Variants in ERBB4 observed in about 807,000 individuals in gnomAD.
ERBB4 encodes the protein receptor tyrosine-protein kinase erbB-4.
A neutral mutation model predicts 158.0 loss-of-function variants in ERBB4; 42 were observed. The observed-to-expected ratio is 0.27, with a 90% CI of 0.21 to 0.34. ERBB4 has a LOEUF of 0.34. ERBB4 is among the 10% of genes least tolerant of loss of function. The pLI, the probability that ERBB4 is intolerant of heterozygous loss-of-function variation, is 1.00. For synonymous variants in ERBB4, 583 were observed against 558.7 expected (o/e 1.04, Z -0.61); for missense variants, 1,333 against 1,624.1 (o/e 0.82, Z 3.08).
chr2:211,454,822 C>A (rs993825136), intron 20 of ERBB4, among the ~76,000 whole-genome samples: 4 of 152,166 alleles, frequency 2.6e-5, no homozygotes, highest in Admixed American at 2.6e-4. Context: ...TCCTATTAAG[C>A]AAACAAAGAC....
chr2:212,135,432 G>A (rs1186493854), intron 1 of ERBB4, among the ~76,000 whole-genome samples: 2 of 151,918 alleles, frequency 1.3e-5, no homozygotes, highest in East Asian at 1.9e-4. Flanking sequence ...TTAAAAAATT[G>A]CAAATGATTT....
At chr2:211,949,233 A>C (rs980312154) in intron 2 of ERBB4, among the ~76,000 whole-genome samples, 1 of 152,118 alleles carries the variant, frequency 6.6e-6, no homozygotes, top group Non-Finnish European at 1.5e-5. Flanking sequence ...TTCTCAATTC[A>C]GGCTAGCCAA....
intron 1 of ERBB4, among the ~76,000 whole-genome samples, chr2:212,416,815 T>C (rs1370730180): frequency 6.6e-6 from 1 of 152,094 alleles, no homozygotes; most frequent in Non-Finnish European, 1.5e-5. Context: ...TGGCAAGTTT[T>C]ATTCAGTGTT....
At chr2:212,052,992 T>C (rs529619974) in intron 2 of ERBB4, among the ~76,000 whole-genome samples, 1 of 152,268 alleles carries the variant, frequency 6.6e-6, no homozygotes, top group South Asian at 2.1e-4. Flanking sequence ...CTGGACCAAA[T>C]GTGGGGTTTC....
intron 3 of ERBB4, among the ~76,000 whole-genome samples, chr2:211,838,620 A>C: frequency 6.6e-6 from 1 of 152,156 alleles, no homozygotes; most frequent in South Asian, 2.1e-4. Flanking sequence ...TTTTCTGCTT[A>C]TGTGGGTATG....
chr2:211,720,340 G>C (rs6435664), intron 7 of ERBB4, among the ~76,000 whole-genome samples: 120,791 of 152,128 alleles, frequency 0.79, 48,693 homozygotes, highest in African/African-American at 0.93. Context: ...CAATGCCTTT[G>C]TGGAGGAGCA....
At chr2:211,831,290 A>G (rs2077213445) in intron 3 of ERBB4, among the ~76,000 whole-genome samples, 2 of 152,158 alleles carry the variant, frequency 1.3e-5, no homozygotes, top group South Asian at 4.1e-4. Context: ...AGTCCAGTCT[A>G]ATACTGAAAT....
chr2:212,140,822 CACCTGAATAG>C (rs1169458149), intron 1 of ERBB4, among the ~76,000 whole-genome samples: 1 of 150,210 alleles, frequency 6.7e-6, no homozygotes, highest in Non-Finnish European at 1.5e-5. Flanking sequence ...ACCAATTTCC[CACCTGAATAG>C]ACTAGGAAAC....
rs530060592 is a variant in ERBB4 at position 211,725,151 on chromosome 2, G to A, written c.666C>T (p.Tyr222=). The A allele has an allele frequency of 4.5e-5, 72 of 1,614,010 alleles. No individual in the cohort carries two copies. Among genetic ancestry groups the A allele is most frequent in the South Asian group, 1.9e-4 (17 of 91,070 alleles). The change falls in exon 6 of 28, where the codon TAC becomes TAT. Residue 222 remains tyrosine, a synonymous_variant. Coordinates refer to ENST00000342788, the MANE Select transcript of ERBB4 (RefSeq NM_005235.3). The stretch of plus-strand genomic sequence containing the variant: ...GGCAGCAGTCACTGACGTAAGGTCC[G>A]TAGCATCTGCCGTCACATTGTTCTG... The part of the protein sequence containing the change: ...VCAEQCDGRC[Y]GPYVSDCCHR...
intron 1 of ERBB4, among the ~76,000 whole-genome samples, chr2:212,184,384 C>A (rs767224336): frequency 5.9e-5 from 9 of 152,002 alleles, no homozygotes; most frequent in Non-Finnish European, 1.3e-4. Flanking sequence ...GTATACGACA[C>A]CCTTTAATAC....
chr2:211,932,939 C>T (rs2080216083), intron 3 of ERBB4, among the ~76,000 whole-genome samples: 1 of 151,934 alleles, frequency 6.6e-6, no homozygotes, highest in Admixed American at 6.6e-5. Flanking sequence ...TAACAGAAGT[C>T]ACTGTGCATA....
At chr2:212,210,917 A>ATC (rs374734884) in intron 1 of ERBB4, among the ~76,000 whole-genome samples, 5 of 151,306 alleles carry the variant, frequency 3.3e-5, no homozygotes, top group African/African-American at 9.7e-5. Flanking sequence ...CTCACTTGGC[A>ATC]TCTCTCTCTC....
At chr2:212,450,354 G>A (rs2092426976) in intron 1 of ERBB4, among the ~76,000 whole-genome samples, 2 of 152,106 alleles carry the variant, frequency 1.3e-5, no homozygotes. Flanking sequence ...AATTGTCCTG[G>A]ATTATCTAAG....
intron 3 of ERBB4, among the ~76,000 whole-genome samples, chr2:211,934,341 C>A (rs528884939): frequency 1.4e-4 from 22 of 151,902 alleles, no homozygotes; most frequent in African/African-American, 5.3e-4. Flanking sequence ...TACCAGTTGC[C>A]AACTAGGGAG....
chr2:212,169,923 C>T (rs571448430), intron 1 of ERBB4, among the ~76,000 whole-genome samples: 9 of 152,160 alleles, frequency 5.9e-5, no homozygotes, highest in South Asian at 2.1e-4. Flanking sequence ...GTCAATTAAA[C>T]CTCTTTTCTT....
chr2:211,959,678 T>C (rs2081128988), intron 2 of ERBB4, among the ~76,000 whole-genome samples: 1 of 152,094 alleles, frequency 6.6e-6, no homozygotes, highest in Admixed American at 6.6e-5. Context: ...TGCATATAGA[T>C]TACTTGCAAG....
chr2:212,359,399 A>C (rs1406867669), intron 1 of ERBB4, among the ~76,000 whole-genome samples: 1 of 151,734 alleles, frequency 6.6e-6, no homozygotes, highest in Non-Finnish European at 1.5e-5. Context: ...TATCAGAAAT[A>C]AAGTGGAAGG....
chr2:211,643,807 G>A (rs1266701309), intron 16 of ERBB4, among the ~76,000 whole-genome samples: 1 of 152,028 alleles, frequency 6.6e-6, no homozygotes. Flanking sequence ...CTAAGTAGAA[G>A]CTTGTAGAGC....
At chr2:212,183,184 T>C (rs1265413448) in intron 1 of ERBB4, among the ~76,000 whole-genome samples, 1 of 151,918 alleles carries the variant, frequency 6.6e-6, no homozygotes, top group African/African-American at 2.4e-5. Context: ...AGATAGAGGT[T>C]GGTGAATACA....
Sources: allele counts gnomAD v4.1 joint callset (sites outside exome capture counted in the v4.1 genomes callset), GRCh38; gene constraint gnomAD v4.1.1; transcripts MANE v1.5; gene names NCBI Gene and HGNC (gene_info 2026-07-23, HGNC 2026-07-21).